CCDC73: variants seen among roughly 807,000 people sequenced by gnomAD.
The protein encoded by CCDC73 is coiled-coil domain containing 73, also known as coiled-coil domain-containing protein 73.
A neutral mutation model predicts 116.5 loss-of-function variants in CCDC73; 95 were observed. The observed-to-expected ratio is 0.82, with a 90% confidence interval of 0.69 to 0.97. CCDC73 has a LOEUF of 0.97. Among genes scored for constraint, CCDC73 ranks in the 50% least tolerant of loss-of-function variants. The probability of loss-of-function intolerance (pLI) is 0.00; values close to 1 mark genes in which losing one functional copy is unlikely to be tolerated. For synonymous variants in CCDC73, 398 were observed against 401.3 expected, an observed-to-expected ratio of 0.99 and a Z score of 0.10; for missense variants, 1,066 against 1,206.8, an observed-to-expected ratio of 0.88 and a Z score of 1.73.
chr11:32,755,041 C>A (rs971775134), intron 2 of CCDC73, among the ~76,000 whole-genome samples: 2 of 150,810 alleles, frequency 1.3e-5, no homozygotes, highest in East Asian at 2.0e-4. Context: ...GCATCCATCA[C>A]CATGCCCAGC....
chr11:32,605,366 G>C (rs33992831), intron 17 of CCDC73: 24,057 of 151,822 alleles, frequency 0.16, 2,036 homozygotes, highest in South Asian at 0.27. Flanking sequence ...TCTTCCAAAA[G>C]TGTCTGCACA....
chr11:32,696,057 T>C (rs1856308553), intron 6 of CCDC73, among the ~76,000 whole-genome samples: 1 of 152,184 alleles, frequency 6.6e-6, no homozygotes, highest in African/African-American at 2.4e-5. Context: ...CTAAATTTTA[T>C]ACCTATGTAA....
Position 32,776,936 on chromosome 11 carries a change from A to AATATATATAT in CCDC73, c.-15-16688_-15-16679dup, listed in dbSNP as rs1169476616. Among the ~76,000 whole-genome samples, 4 of 36,474 alleles carry AATATATATAT rather than the reference A, an allele frequency of 1.1e-4. No homozygotes were observed. In the South Asian group the frequency reaches 2.1e-3, roughly 19 times the overall value. 23.9% of individuals were successfully genotyped at this position (36,474 alleles called of 152,430 possible). A position where few individuals can be genotyped will look rare whatever the true frequency, so the allele number is the denominator to read the frequency against. On this transcript the variant is annotated intron_variant, in intron 1 of 17. Transcript: ENST00000335185. Reference sequence around the variant, plus strand: ...CTACAGAGTATGGTTAAAAAAAAAAAATATATATATATATATATATATATA... The same window carrying AATATATATAT: ...CTACAGAGTATGGTTAAAAAAAAAAAATATATATATATATATATATATATATATATATATA...
chr11:32,735,763 T>C (rs1850123790), intron 2 of CCDC73, among the ~76,000 whole-genome samples: 1 of 152,158 alleles, frequency 6.6e-6, no homozygotes, highest in South Asian at 2.1e-4. Context: ...CAAACTATAC[T>C]ACATGGCTAC....
At chr11:32,651,787 T>C (rs1007284921) in intron 12 of CCDC73, among the ~76,000 whole-genome samples, 3 of 152,240 alleles carry the variant, frequency 2.0e-5, no homozygotes, top group African/African-American at 7.2e-5. Flanking sequence ...CCTTGACTGA[T>C]GGTAGTTTTT....
At chr11:32,623,479 T>C (rs1165245840) in intron 14 of CCDC73, among the ~76,000 whole-genome samples, 2 of 152,146 alleles carry the variant, frequency 1.3e-5, no homozygotes, top group Non-Finnish European at 2.9e-5. Context: ...ACCTCCCTAG[T>C]AGCTGGGACC....
chr11:32,622,513 G>T (rs769440471), intron 14 of CCDC73, among the ~76,000 whole-genome samples: 20 of 152,146 alleles, frequency 1.3e-4, no homozygotes, highest in Admixed American at 4.6e-4. Context: ...CTGTCCGGGT[G>T]GGGGGCAGCA....
intron 1 of CCDC73, among the ~76,000 whole-genome samples, chr11:32,777,999 C>A (rs1211911466): frequency 6.6e-6 from 1 of 152,126 alleles, no homozygotes; most frequent in Non-Finnish European, 1.5e-5. Flanking sequence ...CATTCAAAAT[C>A]ATTTGCCAAA....
rs77467242 is a variant in CCDC73 at position 32,719,293 on chromosome 11, G to A, written c.136-1146C>T. ...AAACTGCCTGGTTTAAGTATTGAAG[G>A]TGTGCCTCAACACACACACACAGAG... On this transcript the variant is annotated intron_variant, in intron 2 of 17. Transcript: ENST00000335185. Among the ~76,000 whole-genome samples, 939 of 152,252 alleles carry A rather than the reference G, an allele frequency of 6.2e-3. 12 individuals are homozygous for A. Among genetic ancestry groups the A allele is most frequent in the African/African-American group, 0.022 (896 of 41,542 alleles).
At chr11:32,704,807 C>T (rs1285790181) in intron 3 of CCDC73, among the ~76,000 whole-genome samples, 4 of 152,154 alleles carry the variant, frequency 2.6e-5, no homozygotes, top group African/African-American at 9.7e-5. Flanking sequence ...CAATAAAAAC[C>T]CTGGACTCAG....
chr11:32,661,285 T>A (rs775295385), intron 9 of CCDC73, among the ~76,000 whole-genome samples: 1 of 152,212 alleles, frequency 6.6e-6, no homozygotes, highest in Non-Finnish European at 1.5e-5. Context: ...CATCTCTTCA[T>A]CAATTGGAGT....
intron 2 of CCDC73, among the ~76,000 whole-genome samples, chr11:32,731,699 G>A (rs1016911622): frequency 3.3e-5 from 5 of 152,086 alleles, no homozygotes; most frequent in African/African-American, 4.8e-5. Context: ...TGCAGCTGAG[G>A]GTCCTGACTG....
upstream of CCDC73, among the ~76,000 whole-genome samples, chr11:32,797,886 A>C (rs1474680530): frequency 1.3e-5 from 2 of 152,182 alleles, no homozygotes; most frequent in African/African-American, 2.4e-5. Context: ...TAATCCAAAA[A>C]TCTGCAATCC....
intron 9 of CCDC73, among the ~76,000 whole-genome samples, chr11:32,661,462 C>G (rs1172589113): frequency 6.8e-6 from 1 of 146,116 alleles, no homozygotes; most frequent in Non-Finnish European, 1.5e-5. Context: ...CCCCCAACCC[C>G]ATGACAGGCT....
chr11:32,688,893 A>G (rs1024589903), intron 6 of CCDC73, among the ~76,000 whole-genome samples: 5 of 152,240 alleles, frequency 3.3e-5, no homozygotes, highest in Non-Finnish European at 7.3e-5. Context: ...AAAATAAGAC[A>G]GAAAACCCAT....
chr11:32,662,445 G>A (rs1855938233), intron 9 of CCDC73, among the ~76,000 whole-genome samples: 1 of 152,082 alleles, frequency 6.6e-6, no homozygotes, highest in South Asian at 2.1e-4. Flanking sequence ...GTGATGATGA[G>A]CATTTTTTCA....
chr11:32,792,764 A>T (rs560216506), intron 1 of CCDC73, among the ~76,000 whole-genome samples: 3 of 152,238 alleles, frequency 2.0e-5, no homozygotes, highest in African/African-American at 7.2e-5. Flanking sequence ...GTGGTTAAGC[A>T]TCTGGGTTTC....
chr11:32,668,630 G>T (rs1190560606), intron 9 of CCDC73, among the ~76,000 whole-genome samples: 1 of 152,170 alleles, frequency 6.6e-6, no homozygotes, highest in Non-Finnish European at 1.5e-5. Flanking sequence ...TAGCAAGGTT[G>T]CTTAGAAAGT....
intron 6 of CCDC73, among the ~76,000 whole-genome samples, chr11:32,691,857 G>A (rs1856261856): frequency 6.6e-6 from 1 of 151,900 alleles, no homozygotes; most frequent in Non-Finnish European, 1.5e-5. Flanking sequence ...GACCATCCTG[G>A]CTAACATGGT....
Sources: gnomAD v4.1 joint callset for allele counts (sites outside exome capture counted in the v4.1 genomes callset) on GRCh38, gnomAD v4.1.1 for gene constraint, MANE v1.5 for transcripts, NCBI Gene and HGNC (gene_info 2026-07-23, HGNC 2026-07-21) for gene names.